Variants in COPS7B observed in about 807,000 individuals in gnomAD.
COPS7B encodes COP9 signalosome subunit 7B, also known as COP9 signalosome complex subunit 7b.
COPS7B carries 9 observed loss-of-function variants against 33.4 expected under a neutral mutation model. That is an observed-to-expected ratio of 0.27 (90% CI 0.16 to 0.47). The LOEUF is 0.47. COPS7B is among the 20% of genes least tolerant of loss of function. The pLI is 0.99. For synonymous variants in COPS7B, 119 were observed against 126.3 expected, an observed-to-expected ratio of 0.94 and a Z score of 0.39; for missense variants, 242 against 318.2, an observed-to-expected ratio of 0.76 and a Z score of 1.82.
intron 6 of COPS7B, among the ~76,000 whole-genome samples, chr2:231,805,350 A>G (rs1360266427): frequency 6.6e-6 from 1 of 151,200 alleles, no homozygotes; most frequent in Non-Finnish European, 1.5e-5. Flanking sequence ...GGGTTCCCAG[A>G]TTGTGTTTTG....
upstream of COPS7B, chr2:231,786,425 G>A (rs923351468): frequency 1.8e-5 from 18 of 985,558 alleles, no homozygotes; most frequent in African/African-American, 2.8e-4. Flanking sequence ...GCGACGGGTC[G>A]GCGGAGACAG....
chr2:231,788,958 T>G (rs2049330769), intron 2 of COPS7B: 1 of 431,080 alleles, frequency 2.3e-6, no homozygotes, highest in South Asian at 3.6e-5. Context: ...AATAATAACC[T>G]AAAAGATAGT....
intron 4 of COPS7B, among the ~76,000 whole-genome samples, chr2:231,795,409 G>C (rs1204069488): frequency 1.3e-5 from 2 of 152,120 alleles, no homozygotes; most frequent in Non-Finnish European, 2.9e-5. Flanking sequence ...CATTTTATCT[G>C]ATCTAATGGC....
upstream of COPS7B, among the ~76,000 whole-genome samples, chr2:231,785,559 T>C (rs1043008112): frequency 6.6e-6 from 1 of 152,246 alleles, no homozygotes; most frequent in Admixed American, 6.5e-5. Flanking sequence ...TTGTTTTATC[T>C]TCATATAACT....
rs780199942 is a variant in COPS7B, at chr2:231,788,653, C to T, written c.83C>T (p.Thr28Ile). The T allele has an allele frequency of 3.7e-6, 6 of 1,614,202 alleles. No homozygotes were observed. Among genetic ancestry groups the T allele is most frequent in the South Asian group, 3.3e-5 (3 of 91,084 alleles). Residue 28 changes from threonine to isoleucine, a missense_variant, in exon 2 of 7, where the codon ACT becomes ATT. Coordinates refer to ENST00000350033, the MANE Select transcript of COPS7B (RefSeq NM_022730.4). ...LAKGTSGSAL[T>I]ALISQVLEAP... Reference sequence around the variant, plus strand: ...AAAGGTACCAGTGGCTCAGCCCTCACTGCTCTCATAAGCCAGGTCTTAGAG... The same window carrying T: ...AAAGGTACCAGTGGCTCAGCCCTCATTGCTCTCATAAGCCAGGTCTTAGAG...
chr2:231,786,671 G>A (rs1427311192), intron 1 of COPS7B, 133 bp downstream of exon 1: 4 of 260,476 alleles, frequency 1.5e-5, no homozygotes, highest in Non-Finnish European at 2.4e-5. Context: ...AGCGCGTCCC[G>A]CGGCTCCTCA....
At chr2:231,795,236 T>G (rs914938527) in intron 4 of COPS7B, among the ~76,000 whole-genome samples, 1 of 152,018 alleles carries the variant, frequency 6.6e-6, no homozygotes, top group Non-Finnish European at 1.5e-5. Context: ...CTTAAAAAAT[T>G]TTTTAAATTG....
At chr2:231,787,198 C>G (rs1220529058) in intron 1 of COPS7B, among the ~76,000 whole-genome samples, 1 of 152,144 alleles carries the variant, frequency 6.6e-6, no homozygotes, top group Non-Finnish European at 1.5e-5. Context: ...CTCGTTGTTC[C>G]CCAGCACTTC....
rs1420033017 is a variant in COPS7B, at chr2:231,808,964, G to T, written c.*1319G>T. 1 of 153,248 alleles carries T rather than the reference G, an allele frequency of 6.5e-6. No individual in the cohort carries two copies. Among genetic ancestry groups the T allele is most frequent in the Admixed American group, 6.5e-5 (1 of 15,364 alleles). The allele number at this position is 153,248 out of a possible 1,614,324, so 9.5% of individuals were successfully genotyped here. A position where few individuals can be genotyped will look rare whatever the true frequency, so the allele number is the denominator to read the frequency against. On this transcript the variant is annotated 3_prime_UTR_variant, in exon 7 of 7. Transcript: ENST00000350033. ...GGGTTGCATACCTGGTGGATCTTGA[G>T]GGGCTGGGATTAGGGTGGTTCAGGA...
intron 2 of COPS7B, chr2:231,789,385 A>G (rs568190367): frequency 1.3e-5 from 2 of 152,316 alleles, no homozygotes; most frequent in East Asian, 1.9e-4. Flanking sequence ...CAATTTGAAC[A>G]TTTTTATTTA....
intron 6 of COPS7B, among the ~76,000 whole-genome samples, chr2:231,801,556 C>T (rs181005370): frequency 6.6e-6 from 1 of 152,172 alleles, no homozygotes; most frequent in East Asian, 1.9e-4. Context: ...GTCTTTCCAC[C>T]TCGGCCTCCC....
intron 6 of COPS7B, among the ~76,000 whole-genome samples, chr2:231,803,028 A>C (rs1394517841): frequency 6.6e-6 from 1 of 152,222 alleles, no homozygotes; most frequent in East Asian, 1.9e-4. Context: ...GGATGTTTAC[A>C]TTTTGCCTCA....
chr2:231,804,468 C>T lies in COPS7B; in HGVS notation c.637-3019C>T, dbSNP rs561474087. ...TTCACCGCGTTAGCCAGGATGGTCT[C>T]GATCTCCTGACCTCGTGATCTGCCT... is the stretch of plus-strand genomic sequence containing the variant. On this transcript the variant is annotated intron_variant, in intron 6 of 6. Transcript: ENST00000350033. Among the ~76,000 whole-genome samples, 26 of 152,126 alleles carry T rather than the reference C, an allele frequency of 1.7e-4. 1 individual carries two copies. The South Asian group carries it at 5.0e-3, about 29-fold the overall frequency.
Position 231,804,348 on chromosome 2 carries a change from C to T in COPS7B, c.637-3139C>T, listed in dbSNP as rs556401080. Among the ~76,000 whole-genome samples the T allele has an allele frequency of 2.1e-4, 32 of 151,640 alleles. No homozygotes were observed. In the South Asian group the frequency reaches 6.5e-3, roughly 31 times the overall value. ...CTGCAAGCTCTGCCTCCCGGGTTCA[C>T]GCCATTCTCCTGCCTCAGCGTCCCG... is the stretch of plus-strand genomic sequence containing the variant. On this transcript the variant is annotated intron_variant, in intron 6 of 6. Coordinates refer to ENST00000350033, the MANE Select transcript of COPS7B (RefSeq NM_022730.4).
chr2:231,798,351 G>A (rs1262458159), intron 5 of COPS7B, among the ~76,000 whole-genome samples: 1 of 148,934 alleles, frequency 6.7e-6, no homozygotes, highest in East Asian at 2.0e-4. Context: ...CCGCCTCCCG[G>A]GTTCAAGTGA....
intron 6 of COPS7B, among the ~76,000 whole-genome samples, chr2:231,802,984 G>A (rs1311360871): frequency 6.6e-6 from 1 of 152,262 alleles, no homozygotes; most frequent in Non-Finnish European, 1.5e-5. Context: ...TAGGCTTAGA[G>A]ACACTTGCCC....
At chr2:231,791,110 G>A (rs1453963222) in intron 2 of COPS7B, 2 of 154,610 alleles carry the variant, frequency 1.3e-5, no homozygotes, top group African/African-American at 2.4e-5. Context: ...GAAGTTCCAG[G>A]CAGAACAGTG....
chr2:231,801,398 AG>A, intron 6 of COPS7B: 4 of 669,520 alleles, frequency 6.0e-6, no homozygotes, highest in Non-Finnish European at 7.4e-6. Context: ...GGTAATACTT[AG>A]AGCATTACAA....
At chr2:231,795,968 T>A in intron 4 of COPS7B, 138 bp from the exon 5 acceptor site, 4 of 653,886 alleles carry the variant, frequency 6.1e-6, no homozygotes. Flanking sequence ...CCACCTCTTG[T>A]TGCCCTAGCT....
Sources: gnomAD v4.1 joint callset for allele counts (sites outside exome capture counted in the v4.1 genomes callset) on GRCh38, gnomAD v4.1.1 for gene constraint, MANE v1.5 for transcripts, NCBI Gene and HGNC (gene_info 2026-07-23, HGNC 2026-07-21) for gene names.